Variants in ARHGAP15 observed in about 807,000 individuals in gnomAD.
ARHGAP15 encodes Rho GTPase activating protein 15.
A neutral mutation model predicts 63.7 loss-of-function variants in ARHGAP15; 51 were observed. That is an observed-to-expected ratio of 0.80 (90% CI 0.64 to 1.01). The LOEUF (loss-of-function observed/expected upper bound fraction) is 1.01. ARHGAP15 is among the 50% of genes least tolerant of loss of function. The probability of loss-of-function intolerance (pLI) is 0.00; values close to 1 mark genes in which losing one functional copy is unlikely to be tolerated. For missense variants in ARHGAP15, 560 were observed against 564.6 expected, an observed-to-expected ratio of 0.99 and a Z score of 0.08; for synonymous variants, 191 against 193.8, an observed-to-expected ratio of 0.99 and a Z score of 0.12.
chr2:143,665,035 G>C (rs1388412399), intron 12 of ARHGAP15, among the ~76,000 whole-genome samples: 3 of 151,864 alleles, frequency 2.0e-5, no homozygotes, highest in East Asian at 1.9e-4. Flanking sequence ...CCAATCAATA[G>C]AAAAAGAGAG....
intron 9 of ARHGAP15, among the ~76,000 whole-genome samples, chr2:143,501,753 T>C (rs1162920625): frequency 1.3e-5 from 2 of 152,180 alleles, no homozygotes; most frequent in East Asian, 3.8e-4. Context: ...GCATGTGAGG[T>C]TAAGTTCAAC....
chr2:143,397,407 T>C (rs1336886257), intron 6 of ARHGAP15, among the ~76,000 whole-genome samples: 2 of 151,914 alleles, frequency 1.3e-5, no homozygotes. Flanking sequence ...CTTACATTTC[T>C]GGTCATTTGT....
At position 143,721,061 on chromosome 2, in the gene ARHGAP15, C is replaced by CAAAAAAAAAAAAAAAAAAAAAA; in HGVS notation, c.1244+17556_1244+17557insAAAAAAAAAAAAAAAAAAAAAA. On this transcript the variant is annotated intron_variant, in intron 13 of 13. Coordinates refer to ENST00000295095, the MANE Select transcript of ARHGAP15 (RefSeq NM_018460.4). ...TGGGCGACAGAGCAAGACTCCGTCT[C>CAAAAAAAAAAAAAAAAAAAAAA]AAAAAAAAAAAAAAAAAAATGCAGA... Among the ~76,000 whole-genome samples the CAAAAAAAAAAAAAAAAAAAAAA allele has an allele frequency of 2.5e-5, 2 of 78,432 alleles. 1 individual carries two copies. The highest frequency in any genetic ancestry group is 5.0e-5 in the Non-Finnish European group (2 of 40,388). 51.5% of individuals were successfully genotyped at this position (78,432 alleles called of 152,430 possible).
rs555296965 is a variant in ARHGAP15, at chr2:143,255,379, G to A, written c.474+4779G>A. Among the ~76,000 whole-genome samples the A allele has an allele frequency of 7.9e-5, 12 of 151,784 alleles. No individual in the cohort carries two copies. The South Asian group carries it at 2.5e-3, about 32-fold the overall frequency. On this transcript the variant is annotated intron_variant, in intron 6 of 13. Coordinates refer to ENST00000295095, the MANE Select transcript of ARHGAP15 (RefSeq NM_018460.4). ...AATATATTAAAAAATAGATCTCGGG[G>A]GACAGATTCTGTCCCTAAAAGTAAA...
At chr2:143,643,631 G>A (rs1680721940) in intron 12 of ARHGAP15, among the ~76,000 whole-genome samples, 1 of 151,902 alleles carries the variant, frequency 6.6e-6, no homozygotes, top group Non-Finnish European at 1.5e-5. Flanking sequence ...AAAAGTTTAA[G>A]AAGCATCTAG....
chr2:143,459,538 CAG>C (rs1252204023), intron 8 of ARHGAP15, among the ~76,000 whole-genome samples: 2 of 152,098 alleles, frequency 1.3e-5, no homozygotes, highest in African/African-American at 4.8e-5. Context: ...TGTGCCCACT[CAG>C]GGGTGTATAT....
intron 6 of ARHGAP15, among the ~76,000 whole-genome samples, chr2:143,423,767 T>C (rs1689029160): frequency 6.6e-6 from 1 of 152,130 alleles, no homozygotes. Flanking sequence ...GTACCAGGTA[T>C]TATGTTAAGT....
intron 13 of ARHGAP15, among the ~76,000 whole-genome samples, chr2:143,713,384 T>C (rs1684670726): frequency 6.6e-6 from 1 of 152,030 alleles, no homozygotes; most frequent in African/African-American, 2.4e-5. Context: ...TCCCGCTGGG[T>C]CCCTCCCATA....
At chr2:143,223,662 T>A (rs1050469848) in intron 4 of ARHGAP15, among the ~76,000 whole-genome samples, 1 of 152,134 alleles carries the variant, frequency 6.6e-6, no homozygotes, top group Non-Finnish European at 1.5e-5. Context: ...ATGGCTTTGC[T>A]CCAAAGAGAA....
chr2:143,593,558 T>G (rs538233909), intron 11 of ARHGAP15, among the ~76,000 whole-genome samples: 2 of 152,346 alleles, frequency 1.3e-5, no homozygotes, highest in African/African-American at 2.4e-5. Flanking sequence ...GGTTATTTTA[T>G]GATTATGTGA....
At chr2:143,664,209 C>G (rs1259285727) in intron 12 of ARHGAP15, among the ~76,000 whole-genome samples, 1 of 152,158 alleles carries the variant, frequency 6.6e-6, no homozygotes, top group African/African-American at 2.4e-5. Flanking sequence ...GAGATTACAA[C>G]AAACTATCTC....
At chr2:143,640,017 G>T (rs1451231719) in intron 12 of ARHGAP15, among the ~76,000 whole-genome samples, 1 of 151,952 alleles carries the variant, frequency 6.6e-6, no homozygotes, top group African/African-American at 2.4e-5. Flanking sequence ...CCTTTTTCTG[G>T]CAATTAATTG....
chr2:143,204,193 T>C (rs1692234606), intron 3 of ARHGAP15, among the ~76,000 whole-genome samples: 1 of 152,176 alleles, frequency 6.6e-6, no homozygotes, highest in Admixed American at 6.6e-5. Flanking sequence ...ATAGTCTCCC[T>C]GTTTACCCAC....
At chr2:143,337,758 G>A (rs1006575106) in intron 6 of ARHGAP15, among the ~76,000 whole-genome samples, 3 of 152,246 alleles carry the variant, frequency 2.0e-5, no homozygotes, top group Admixed American at 6.5e-5. Context: ...AGTGGAAGGT[G>A]TGCTGCTTAT....
At chr2:143,208,614 A>C (rs1448631392) in intron 3 of ARHGAP15, among the ~76,000 whole-genome samples, 1 of 152,124 alleles carries the variant, frequency 6.6e-6, no homozygotes, top group Non-Finnish European at 1.5e-5. Flanking sequence ...ATTTCCTGAG[A>C]ATCGGTGTGG....
At chr2:143,298,704 A>G (rs1682759296) in intron 6 of ARHGAP15, among the ~76,000 whole-genome samples, 1 of 151,952 alleles carries the variant, frequency 6.6e-6, no homozygotes, top group African/African-American at 2.4e-5. Flanking sequence ...CTCCTCACAT[A>G]TATGGCAATA....
At chr2:143,507,662 C>A (rs1043702670) in intron 9 of ARHGAP15, among the ~76,000 whole-genome samples, 2 of 152,174 alleles carry the variant, frequency 1.3e-5, no homozygotes, top group Admixed American at 1.3e-4. Context: ...CTTGCATATT[C>A]AAATATTGAT....
chr2:143,424,597 C>T (rs1689069014), intron 6 of ARHGAP15, among the ~76,000 whole-genome samples: 1 of 151,972 alleles, frequency 6.6e-6, no homozygotes, highest in African/African-American at 2.4e-5. Context: ...CTTTTCCTTT[C>T]ACCTGTGTTG....
intron 6 of ARHGAP15, among the ~76,000 whole-genome samples, chr2:143,383,933 G>A (rs1236142697): frequency 6.6e-6 from 1 of 152,116 alleles, no homozygotes; most frequent in Non-Finnish European, 1.5e-5. Flanking sequence ...CAGCAATAAA[G>A]AAACAGGTAT....
Sources: gnomAD v4.1 joint callset for allele counts (sites outside exome capture counted in the v4.1 genomes callset) on GRCh38, gnomAD v4.1.1 for gene constraint, MANE v1.5 for transcripts, NCBI Gene and HGNC (gene_info 2026-07-23, HGNC 2026-07-21) for gene names.